Variants in ROBO2 observed in about 807,000 individuals in gnomAD.
ROBO2 encodes the protein roundabout homolog 2.
Under a neutral mutation model 160.8 loss-of-function variants are expected in ROBO2, and 53 were observed. That is an observed-to-expected ratio of 0.33 (90% CI 0.26 to 0.41). The LOEUF is 0.41. Among genes scored for constraint, ROBO2 ranks in the 10% least tolerant of loss-of-function variants. The probability of loss-of-function intolerance (pLI) is 1.00; values close to 1 mark genes in which losing one functional copy is unlikely to be tolerated. For missense variants in ROBO2, 1,577 were observed against 1,722.4 expected (o/e 0.92, Z 1.49); for synonymous variants, 664 against 611.7 (o/e 1.09, Z -1.26).
chr3:77,207,001 CACTA>C (rs1174345760), intron 2 of ROBO2, among the ~76,000 whole-genome samples: 1 of 152,120 alleles, frequency 6.6e-6, no homozygotes, highest in African/African-American at 2.4e-5. Flanking sequence ...ATTTCAAGGA[CACTA>C]ACTAACCTTT....
intron 2 of ROBO2, among the ~76,000 whole-genome samples, chr3:77,135,902 G>T (rs2076240233): frequency 6.6e-6 from 1 of 152,154 alleles, no homozygotes; most frequent in East Asian, 1.9e-4. Context: ...AATATATTCT[G>T]TCAGAGCAGA....
intron 8 of ROBO2, among the ~76,000 whole-genome samples, chr3:77,551,572 T>A (rs1582891838): frequency 1.3e-5 from 2 of 152,176 alleles, no homozygotes; most frequent in Admixed American, 1.3e-4. Context: ...TGAAGGGCTC[T>A]GCGTAATCTG....
intron 2 of ROBO2, among the ~76,000 whole-genome samples, chr3:76,880,262 C>G (rs2073197505): frequency 6.6e-6 from 1 of 152,196 alleles, no homozygotes; most frequent in South Asian, 2.1e-4. Context: ...CAGCTTGGAA[C>G]AGAAAATGAA....
At chr3:76,079,733 G>A (rs1414679250) in intron 2 of ROBO2, among the ~76,000 whole-genome samples, 1 of 151,948 alleles carries the variant, frequency 6.6e-6, no homozygotes, top group Non-Finnish European at 1.5e-5. Flanking sequence ...CAATCCGTCT[G>A]CCTTGGCCTC....
chr3:77,194,574 G>T (rs1290897735), intron 2 of ROBO2, among the ~76,000 whole-genome samples: 1 of 152,056 alleles, frequency 6.6e-6, no homozygotes, highest in Non-Finnish European at 1.5e-5. Context: ...TCATTACTGG[G>T]AATTCATTAA....
chr3:76,286,931 A>T (rs970148472), intron 2 of ROBO2, among the ~76,000 whole-genome samples: 1 of 152,206 alleles, frequency 6.6e-6, no homozygotes, highest in Non-Finnish European at 1.5e-5. Flanking sequence ...GCTGTAAGAA[A>T]AGGCATTTAA....
intron 2 of ROBO2, among the ~76,000 whole-genome samples, chr3:76,368,997 G>A (rs2075971045): frequency 6.6e-6 from 1 of 151,794 alleles, no homozygotes. Flanking sequence ...CACAATAAAA[G>A]AACCTTCCCT....
At chr3:77,587,016 A>C (rs1025101594) in intron 16 of ROBO2, among the ~76,000 whole-genome samples, 2 of 152,070 alleles carry the variant, frequency 1.3e-5, no homozygotes, top group African/African-American at 4.8e-5. Context: ...GCTAGCAGCT[A>C]TAATAAAAAA....
At chr3:76,620,598 G>T (rs1244963969) in intron 2 of ROBO2, among the ~76,000 whole-genome samples, 1 of 152,000 alleles carries the variant, frequency 6.6e-6, no homozygotes, top group Non-Finnish European at 1.5e-5. Flanking sequence ...ATTTTTATGT[G>T]TTTAATATTT....
At chr3:76,028,938 G>A (rs191564542) in intron 2 of ROBO2, among the ~76,000 whole-genome samples, 1 of 152,038 alleles carries the variant, frequency 6.6e-6, no homozygotes, top group East Asian at 1.9e-4. Flanking sequence ...CCTATTTTGG[G>A]GGCTAGTTCC....
At chr3:77,420,082 C>A (rs986424670) in intron 2 of ROBO2, among the ~76,000 whole-genome samples, 1 of 151,850 alleles carries the variant, frequency 6.6e-6, no homozygotes, top group African/African-American at 2.4e-5. Flanking sequence ...TCATAACATT[C>A]CCCCCAACAT....
intron 2 of ROBO2, among the ~76,000 whole-genome samples, chr3:76,046,440 G>C (rs988344686): frequency 6.6e-6 from 1 of 151,974 alleles, no homozygotes; most frequent in Admixed American, 6.5e-5. Context: ...ACAAGGTCAG[G>C]AGATCGAGAC....
chr3:77,536,605 CTTGA>C (rs1343276981), intron 6 of ROBO2, among the ~76,000 whole-genome samples: 3 of 152,074 alleles, frequency 2.0e-5, no homozygotes, highest in Non-Finnish European at 4.4e-5. Flanking sequence ...TTGTAACATG[CTTGA>C]TTGTTTCCAG....
intron 22 of ROBO2, among the ~76,000 whole-genome samples, chr3:77,619,779 A>G (rs1239381793): frequency 6.6e-6 from 1 of 152,170 alleles, no homozygotes; most frequent in Non-Finnish European, 1.5e-5. Context: ...TTTTATCCAC[A>G]GGACATTCTA....
chr3:77,067,028 T>TCACACACACACACTCA (rs2066928829), intron 1 of ROBO2, among the ~76,000 whole-genome samples: 1 of 136,840 alleles, frequency 7.3e-6, no homozygotes, highest in East Asian at 2.1e-4. Context: ...ACACACACAC[T>TCACACACACACACTCA]CACACACACA....
At chr3:77,294,039 T>C (rs1213881627) in intron 2 of ROBO2, among the ~76,000 whole-genome samples, 3 of 123,592 alleles carry the variant, frequency 2.4e-5, no homozygotes, top group Non-Finnish European at 4.9e-5. Context: ...TAAAGTAAAA[T>C]TGAAGATTAA....
intron 2 of ROBO2, among the ~76,000 whole-genome samples, chr3:75,994,226 T>C (rs949694846): frequency 5.9e-5 from 9 of 152,212 alleles, no homozygotes; most frequent in Non-Finnish European, 1.3e-4. Flanking sequence ...TTTTGCTTCA[T>C]TTATTCAGAC....
intron 2 of ROBO2, among the ~76,000 whole-genome samples, chr3:77,395,668 A>C (rs556667562): frequency 6.6e-6 from 1 of 152,256 alleles, no homozygotes; most frequent in African/African-American, 2.4e-5. Flanking sequence ...GTAGATCTAA[A>C]TGTAATCGTG....
intron 2 of ROBO2, among the ~76,000 whole-genome samples, chr3:76,300,939 CTT>C (rs1196621116): frequency 6.6e-6 from 1 of 152,002 alleles, no homozygotes; most frequent in East Asian, 1.9e-4. Context: ...ATGACATACT[CTT>C]TATCTAAGCA....
Sources: gnomAD v4.1 joint callset for allele counts (sites outside exome capture counted in the v4.1 genomes callset) on GRCh38, gnomAD v4.1.1 for gene constraint, MANE v1.5 for transcripts, NCBI Gene and HGNC (gene_info 2026-07-23, HGNC 2026-07-21) for gene names.